Variants in PHACTR4 observed in about 807,000 individuals in gnomAD.
The protein encoded by PHACTR4 is phosphatase and actin regulator 4, also known as protein phosphatase 1, regulatory subunit 124.
PHACTR4 carries 51 observed loss-of-function variants against 72.7 expected under a neutral mutation model. The observed-to-expected ratio is 0.70, with a 90% CI of 0.56 to 0.89. The LOEUF is 0.89. Ranked by LOEUF, PHACTR4 falls within the 40% of genes least tolerant of loss-of-function variation. The pLI, the probability that PHACTR4 is intolerant of heterozygous loss-of-function variation, is 0.00. For synonymous variants in PHACTR4, 255 were observed against 302.5 expected (o/e 0.84, Z 1.63); for missense variants, 731 against 861.8 (o/e 0.85, Z 1.90).
Position 28,459,235 on chromosome 1 carries a change from A to G in PHACTR4, c.167A>G (p.Asp56Gly), listed in dbSNP as rs375765666. The change falls in exon 3 of 14, where the codon GAT becomes GGT. Residue 56 changes from aspartate (D) to glycine (G), a missense_variant. By Grantham distance (94) the Asp-to-Gly change is moderately conservative. This residue lies in a region of PHACTR4 where 621 missense variants were observed against 676.6 expected (regional missense o/e 0.92). Coordinates refer to ENST00000373839, the MANE Select transcript of PHACTR4 (RefSeq NM_001048183.3). ...PWKWRKKKSS[D>G]KFKETSEVLE... ...AAATGGAGGAAAAAAAAAAGTAGTG[A>G]TAAATTTAAAGAGACTTCAGAAGGT... 1.9e-5 allele frequency: 30 copies of G among 1,613,588 alleles called. No homozygotes were observed. The highest frequency in any genetic ancestry group is 2.5e-5 in the Non-Finnish European group (29 of 1,179,838).
intron 2 of PHACTR4, among the ~76,000 whole-genome samples, chr1:28,435,552 A>T (rs1432934911): frequency 2.6e-5 from 4 of 152,352 alleles, no homozygotes; most frequent in South Asian, 4.1e-4. Flanking sequence ...GGCGTGAGCC[A>T]CCACGTCCAG....
Position 28,384,446 on chromosome 1 carries a change from C to T in PHACTR4, c.-39+14621C>T, listed in dbSNP as rs1466539962. ...TTTTCTAGATTTTCTAGTTTATGTA[C>T]ATAGAGGTGTTCATAATATTATCAG... On this transcript the variant is annotated intron_variant, in intron 1 of 13. Transcript: ENST00000373839. Among the ~76,000 whole-genome samples, 36 of 152,094 alleles carry T rather than the reference C, an allele frequency of 2.4e-4. 1 individual carries two copies. Among genetic ancestry groups the T allele is most frequent in the Admixed American group, 2.3e-3 (35 of 15,234 alleles).
chr1:28,376,739 C>A (rs1403301329), intron 1 of PHACTR4, among the ~76,000 whole-genome samples: 2 of 151,902 alleles, frequency 1.3e-5, no homozygotes, highest in Non-Finnish European at 2.9e-5. Context: ...CGGGTTCACG[C>A]CATTTTCCTG....
At chr1:28,417,926 T>C (rs1435132337) in intron 2 of PHACTR4, among the ~76,000 whole-genome samples, 1 of 127,260 alleles carries the variant, frequency 7.9e-6, no homozygotes, top group Non-Finnish European at 1.6e-5. Flanking sequence ...AAGAACAGCC[T>C]AGGCAACATT....
chr1:28,482,691 T>TTGGGAGGCTCACTTGAGG (rs1660352818), intron 9 of PHACTR4, among the ~76,000 whole-genome samples: 2 of 152,076 alleles, frequency 1.3e-5, no homozygotes, highest in African/African-American at 4.8e-5. Context: ...TCCCAACATT[T>TTGGGAGGCTCACTTGAGG]TGGGAGGCTC....
chr1:28,498,106 T>A lies in PHACTR4; in HGVS notation c.*1557T>A, dbSNP rs1661466861. The A allele has an allele frequency of 6.6e-6, 1 of 152,220 alleles. No individual in the cohort carries two copies. The highest frequency in any genetic ancestry group is 1.5e-5 in the Non-Finnish European group (1 of 68,046). The allele number at this position is 152,220 out of a possible 1,614,324, so 9.4% of individuals were successfully genotyped here. ...ACCAAATGATATTCTCTAAATCACT[T>A]CGACCAATAAATGTATTCTCCTCCT... On this transcript the variant is annotated 3_prime_UTR_variant, in exon 14 of 14. Coordinates refer to ENST00000373839, the MANE Select transcript of PHACTR4 (RefSeq NM_001048183.3).
intron 2 of PHACTR4, chr1:28,438,502 T>A: frequency 1.3e-6 from 2 of 1,539,392 alleles, no homozygotes; most frequent in Non-Finnish European, 1.8e-6. Context: ...AACTTGAGTA[T>A]TTATGTGAAG....
rs146358507 is a variant in PHACTR4 at position 28,393,804 on chromosome 1, C to T, written c.-38-13606C>T. 1.7e-3 allele frequency among the ~76,000 whole-genome samples: 266 copies of T among 152,170 alleles called. 8 individuals are homozygous for T. In the East Asian group the frequency reaches 0.04, roughly 23 times the overall value. On this transcript the variant is annotated intron_variant, in intron 1 of 13. Transcript: ENST00000373839. ...CACTGCAGCCTTGACCTCTCAGGCT[C>T]AGGTGATCTTCCCACCTCAGCCTCC... is the stretch of plus-strand genomic sequence containing the variant.
intron 2 of PHACTR4, chr1:28,453,783 C>A: frequency 1.1e-6 from 1 of 915,686 alleles, no homozygotes; most frequent in Non-Finnish European, 1.8e-6. Flanking sequence ...AGCAGTTATC[C>A]ACATTGGTGC....
At chr1:28,448,937 A>G (rs146135235) in intron 2 of PHACTR4, among the ~76,000 whole-genome samples, 15,459 of 150,908 alleles carry the variant, frequency 0.1, 1,833 homozygotes, top group African/African-American at 0.29. Flanking sequence ...ATTGCTTGAG[A>G]CCAGGAGTTC....
chr1:28,442,587 A>G (rs945480233), intron 2 of PHACTR4, among the ~76,000 whole-genome samples: 1 of 151,992 alleles, frequency 6.6e-6, no homozygotes, highest in African/African-American at 2.4e-5. Context: ...ACTCACTGCA[A>G]CTTCTGCTTT....
chr1:28,383,085 G>A (rs183506047), intron 1 of PHACTR4, among the ~76,000 whole-genome samples: 15 of 152,126 alleles, frequency 9.9e-5, no homozygotes, highest in African/African-American at 3.1e-4. Flanking sequence ...GAGCCACCGC[G>A]CCTGGCCTCG....
intron 1 of PHACTR4, among the ~76,000 whole-genome samples, chr1:28,403,278 C>T (rs992107084): frequency 5.3e-5 from 8 of 152,130 alleles, no homozygotes; most frequent in Admixed American, 4.6e-4. Flanking sequence ...CTTAGTGGAC[C>T]CCACGGGGGC....
intron 2 of PHACTR4, chr1:28,457,984 A>G (rs1658515173): frequency 2.4e-6 from 1 of 421,868 alleles, no homozygotes. Flanking sequence ...TGCCATTAAA[A>G]CTAACTAACT....
In PHACTR4 at chr1:28,421,668, G is replaced by A. The variant is rs541322473; in HGVS notation, c.16+14205G>A. On this transcript the variant is annotated intron_variant, in intron 2 of 13. Transcript: ENST00000373839. The stretch of plus-strand genomic sequence containing the variant: ...TATTTTGTCCATTTCCCCGCACAGG[G>A]TGAGTCAGTCTTTTCCTCACTTCAG... Among the ~76,000 whole-genome samples the A allele has an allele frequency of 3.9e-5, 6 of 152,232 alleles. No homozygotes were observed. The East Asian group carries it at 9.6e-4, about 24-fold the overall frequency.
At chr1:28,474,646 G>A (rs1439577391) in intron 7 of PHACTR4, among the ~76,000 whole-genome samples, 5 of 147,214 alleles carry the variant, frequency 3.4e-5, no homozygotes, top group African/African-American at 7.5e-5. Flanking sequence ...AGGTTCAAGC[G>A]ATTCTCCTGC....
At chr1:28,490,803 A>G in intron 10 of PHACTR4, 148 bp from the exon 11 acceptor site, 1 of 759,944 alleles carries the variant, frequency 1.3e-6, no homozygotes, top group Non-Finnish European at 2.1e-6. Context: ...AGATTGTACC[A>G]TTGCACTCCA....
intron 2 of PHACTR4, among the ~76,000 whole-genome samples, chr1:28,456,587 G>A (rs1422101631): frequency 1.3e-5 from 2 of 151,696 alleles, no homozygotes; most frequent in Non-Finnish European, 1.5e-5. Context: ...CCTCAGCCTC[G>A]CAAGTAGCTG....
At chr1:28,477,850 C>G (rs1484787350) in intron 8 of PHACTR4, among the ~76,000 whole-genome samples, 1 of 152,026 alleles carries the variant, frequency 6.6e-6, no homozygotes, top group Admixed American at 6.6e-5. Context: ...CCACGCCCAG[C>G]TCATTTTTGT....
Sources: gnomAD v4.1 joint callset for allele counts (sites outside exome capture counted in the v4.1 genomes callset) on GRCh38, gnomAD v4.1.1 for gene constraint, gnomAD v4.1.1 regional missense constraint, MANE v1.5 for transcripts, NCBI Gene and HGNC (gene_info 2026-07-23, HGNC 2026-07-21) for gene names.